Variants in SNTB2 observed in about 807,000 individuals in gnomAD.
The protein encoded by SNTB2 is beta-2-syntrophin.
Under a neutral mutation model 46.2 loss-of-function variants are expected in SNTB2, and 34 were observed. The observed-to-expected ratio is 0.74, with a 90% CI of 0.56 to 0.98. The LOEUF (loss-of-function observed/expected upper bound fraction) is 0.98, where lower values mean the gene tolerates loss of function less well. Among genes scored for constraint, SNTB2 ranks in the 50% least tolerant of loss-of-function variants. The pLI, the probability that SNTB2 is intolerant of heterozygous loss-of-function variation, is 0.00. For missense variants in SNTB2, 603 were observed against 731.4 expected, an observed-to-expected ratio of 0.82 and a Z score of 2.02; for synonymous variants, 290 against 312.6, an observed-to-expected ratio of 0.93 and a Z score of 0.76.
intron 1 of SNTB2, among the ~76,000 whole-genome samples, chr16:69,220,798 C>T (rs775089614): frequency 2.6e-5 from 4 of 152,144 alleles, no homozygotes; most frequent in Non-Finnish European, 4.4e-5. Context: ...TTCCAAAGCC[C>T]TAGGATTACA....
At chr16:69,259,342 C>G (rs1964811876) in intron 2 of SNTB2, among the ~76,000 whole-genome samples, 1 of 150,152 alleles carries the variant, frequency 6.7e-6, no homozygotes, top group African/African-American at 2.5e-5. Context: ...AGGCAGTTCC[C>G]CTGCCTCAGC....
intron 5 of SNTB2, among the ~76,000 whole-genome samples, chr16:69,285,451 T>TTCTA (rs1168150697): frequency 2.4e-5 from 3 of 125,462 alleles, no homozygotes; most frequent in African/African-American, 9.1e-5. Flanking sequence ...AGCTTTGAGC[T>TTCTA]TCTATTTATT....
chr16:69,243,833 T>C (rs765594929), intron 1 of SNTB2, among the ~76,000 whole-genome samples: 3 of 152,208 alleles, frequency 2.0e-5, no homozygotes, highest in Non-Finnish European at 4.4e-5. Context: ...ATTATAACTA[T>C]GCACAAAAAG....
chr16:69,279,704 T>G (rs1465969618), intron 4 of SNTB2, among the ~76,000 whole-genome samples: 1 of 151,086 alleles, frequency 6.6e-6, no homozygotes, highest in African/African-American at 2.4e-5. Context: ...TTTTTGTATT[T>G]TTTTTAATAG....
chr16:69,234,359 A>G (rs1964536918), intron 1 of SNTB2, among the ~76,000 whole-genome samples: 1 of 152,202 alleles, frequency 6.6e-6, no homozygotes, highest in South Asian at 2.1e-4. Flanking sequence ...CTAAGTGGCC[A>G]ATAATTAGGG....
chr16:69,271,699 T>G (rs1349011688), intron 4 of SNTB2, among the ~76,000 whole-genome samples: 4 of 151,996 alleles, frequency 2.6e-5, no homozygotes, highest in African/African-American at 9.7e-5. Context: ...ATCTCTTAAG[T>G]TTAAATTTTG....
rs2143216763 is a variant in SNTB2, at chr16:69,303,259, G to GGT, written c.*2336_*2337dup. 1.3e-5 allele frequency: 2 copies of GGT among 152,254 alleles called. No homozygotes were observed. The highest frequency in any genetic ancestry group is 1.3e-4 in the Admixed American group (2 of 15,294). The allele number at this position is 152,254 out of a possible 1,614,324, so 9.4% of individuals were successfully genotyped here. A position where few individuals can be genotyped will look rare whatever the true frequency, so the allele number is the denominator to read the frequency against. Reference sequence around the variant, plus strand: ...AGAATTTCAATATGTAATACCCTCAGGTAGGCAATCTTGAACCCTCTATGC... The same window carrying GGT: ...AGAATTTCAATATGTAATACCCTCAGGTGTAGGCAATCTTGAACCCTCTATGC... On this transcript the variant is annotated 3_prime_UTR_variant, in exon 7 of 7. Coordinates refer to ENST00000336278, the MANE Select transcript of SNTB2 (RefSeq NM_006750.4).
At chr16:69,254,820 T>A (rs79650824) in intron 2 of SNTB2, among the ~76,000 whole-genome samples, 8,150 of 151,710 alleles carry the variant, frequency 0.054, 290 homozygotes, top group East Asian at 0.22. Context: ...CTACAAAAAA[T>A]TTTTTTTTAA....
chr16:69,211,101 T>C (rs1405365547), intron 1 of SNTB2, among the ~76,000 whole-genome samples: 1 of 152,052 alleles, frequency 6.6e-6, no homozygotes, highest in Non-Finnish European at 1.5e-5. Flanking sequence ...AAGTGTCCAA[T>C]TTCTGTTAAT....
chr16:69,284,621 A>G (rs1965084115), intron 5 of SNTB2, among the ~76,000 whole-genome samples: 1 of 152,060 alleles, frequency 6.6e-6, no homozygotes, highest in South Asian at 2.1e-4. Flanking sequence ...TAAAACACAA[A>G]AAATTAGCCA....
intron 4 of SNTB2, among the ~76,000 whole-genome samples, chr16:69,273,881 G>A (rs1443433218): frequency 1.3e-5 from 2 of 152,130 alleles, no homozygotes; most frequent in Non-Finnish European, 2.9e-5. Flanking sequence ...TAGGGTGGGT[G>A]TTAGTATTAA....
intron 2 of SNTB2, among the ~76,000 whole-genome samples, chr16:69,246,927 T>C (rs866093161): frequency 2.7e-4 from 39 of 143,738 alleles, no homozygotes; most frequent in African/African-American, 5.1e-4. Flanking sequence ...AGGGATAGCA[T>C]TGGGAGATAT....
Position 69,292,381 on chromosome 16 carries a change from ATATATATATTATATATATATATATAT to A in SNTB2, c.1346-7199_1346-7174del, listed in dbSNP as rs1567416355. On this transcript the variant is annotated intron_variant, in intron 5 of 6. Coordinates refer to ENST00000336278, the MANE Select transcript of SNTB2 (RefSeq NM_006750.4). ...ATATATATATATATATATATATATT[ATATATATATTATATATATATATATAT>A]TATATATATATTATATATATATATA... Among the ~76,000 whole-genome samples the A allele has an allele frequency of 1.4e-4, 3 of 21,252 alleles. No individual in the cohort carries two copies. In the East Asian group the frequency reaches 5.0e-3, roughly 35 times the overall value. The allele number at this position is 21,252 out of a possible 152,430, so 13.9% of individuals were successfully genotyped here.
chr16:69,239,521 AC>A (rs1964589813), intron 1 of SNTB2, among the ~76,000 whole-genome samples: 1 of 151,994 alleles, frequency 6.6e-6, no homozygotes, highest in Non-Finnish European at 1.5e-5. Context: ...ACCCTTAGAA[AC>A]CACTGAATTT....
In SNTB2 at chr16:69,187,223, G is replaced by T; in HGVS notation, c.57G>T (p.Trp19Cys). ...GAGCGGGGCCGGCCATGGCGGTGTG[G>T]ACGCGGGCCACCAAAGCGGGGCTGG... ...AAGAGPAMAVWTRATKAGLVE... is the reference protein window; with the variant it reads ...AAGAGPAMAVCTRATKAGLVE... Residue 19 changes from tryptophan (W) to cysteine (C), a missense_variant, in exon 1 of 7, where the codon TGG becomes TGT. Around this residue, in one of 2 missense-constraint regions of SNTB2, gnomAD observed 66 missense variants for 39.0 expected, o/e 1.69. Transcript: ENST00000336278. 1 of 1,447,406 alleles carries T rather than the reference G, an allele frequency of 6.9e-7. No homozygotes were observed. Among genetic ancestry groups the T allele is most frequent in the Non-Finnish European group, 9.1e-7 (1 of 1,101,942 alleles). 89.7% of individuals were successfully genotyped at this position (1,447,406 alleles called of 1,614,324 possible).
chr16:69,280,823 A>T (rs183657933), intron 4 of SNTB2, among the ~76,000 whole-genome samples: 3,189 of 146,912 alleles, frequency 0.022, 119 homozygotes, highest in African/African-American at 0.075. Flanking sequence ...TTTGAGACGG[A>T]GTCTCGCTCT....
intron 1 of SNTB2, among the ~76,000 whole-genome samples, chr16:69,210,986 G>A (rs372520957): frequency 5.3e-5 from 8 of 152,090 alleles, no homozygotes; most frequent in East Asian, 1.9e-4. Context: ...GCGAGACTCC[G>A]TCTCAAAAAT....
At chr16:69,263,090 A>G (rs934746131) in intron 3 of SNTB2, among the ~76,000 whole-genome samples, 1 of 151,852 alleles carries the variant, frequency 6.6e-6, no homozygotes, top group African/African-American at 2.4e-5. Flanking sequence ...AGCCTCTAGG[A>G]ACTACCATTC....
chr16:69,286,958 C>CT (rs1965109454), intron 5 of SNTB2, among the ~76,000 whole-genome samples: 1 of 152,074 alleles, frequency 6.6e-6, no homozygotes, highest in Non-Finnish European at 1.5e-5. Flanking sequence ...AGATTGAAAT[C>CT]TAAGTTGTGG....
Sources: allele counts gnomAD v4.1 joint callset (sites outside exome capture counted in the v4.1 genomes callset), GRCh38; gene constraint gnomAD v4.1.1; regional missense constraint gnomAD v4.1.1; transcripts MANE v1.5; gene names NCBI Gene and HGNC (gene_info 2026-07-23, HGNC 2026-07-21).